BMP2K: variants seen among roughly 807,000 people sequenced by gnomAD.
The protein encoded by BMP2K is BMP2 inducible kinase.
Under a neutral mutation model 116.0 loss-of-function variants are expected in BMP2K, and 74 were observed. That is an observed-to-expected ratio of 0.64 (90% CI 0.53 to 0.77). The LOEUF (loss-of-function observed/expected upper bound fraction) is 0.77. BMP2K is among the 30% of genes least tolerant of loss of function. The pLI is 0.00. For synonymous variants in BMP2K, 486 were observed against 502.5 expected, an observed-to-expected ratio of 0.97 and a Z score of 0.44; for missense variants, 1,365 against 1,403.6, an observed-to-expected ratio of 0.97 and a Z score of 0.44.
intron 15 of BMP2K, among the ~76,000 whole-genome samples, chr4:78,898,156 A>G (rs1182790763): frequency 6.6e-6 from 1 of 152,214 alleles, no homozygotes; most frequent in African/African-American, 2.4e-5. Flanking sequence ...AGAGAATTGC[A>G]GGTATTTGAG....
At chr4:78,797,722 A>G (rs897805258) in intron 1 of BMP2K, among the ~76,000 whole-genome samples, 2 of 152,046 alleles carry the variant, frequency 1.3e-5, no homozygotes, top group African/African-American at 4.8e-5. Context: ...AGCTTGTCAC[A>G]TATGTTTTAT....
chr4:78,849,532 A>C (rs949311654), intron 6 of BMP2K, among the ~76,000 whole-genome samples: 5 of 151,646 alleles, frequency 3.3e-5, no homozygotes, highest in Admixed American at 3.3e-4. Flanking sequence ...TCTTTTGCCT[A>C]GGCTATCATC....
intron 10 of BMP2K, 77 bp downstream of exon 10, chr4:78,865,797 A>T: frequency 7.0e-7 from 1 of 1,433,092 alleles, no homozygotes; most frequent in East Asian, 2.3e-5. Flanking sequence ...TCCTGACCTC[A>T]GGTGATCCTT....
intron 13 of BMP2K, among the ~76,000 whole-genome samples, chr4:78,877,983 A>G (rs1189646675): frequency 6.6e-6 from 1 of 152,184 alleles, no homozygotes; most frequent in African/African-American, 2.4e-5. Flanking sequence ...GGAGAGGTAC[A>G]CAGGGATTCT....
At chr4:78,829,402 GTTT>G (rs79345386) in intron 2 of BMP2K, among the ~76,000 whole-genome samples, 7,254 of 133,874 alleles carry the variant, frequency 0.054, 558 homozygotes, top group African/African-American at 0.18. Context: ...ATAGTTTTTT[GTTT>G]TTTTTTTTTT....
chr4:78,777,212 T>C (rs1483555291), intron 1 of BMP2K, among the ~76,000 whole-genome samples: 1 of 152,108 alleles, frequency 6.6e-6, no homozygotes, highest in Non-Finnish European at 1.5e-5. Flanking sequence ...AACAATGTAT[T>C]TGTGTGCATG....
chr4:78,786,898 A>G (rs1435994441), intron 1 of BMP2K, among the ~76,000 whole-genome samples: 1 of 152,052 alleles, frequency 6.6e-6, no homozygotes, highest in Non-Finnish European at 1.5e-5. Context: ...TCTTGTATTC[A>G]TTCTTTTTTT....
chr4:78,900,373 C>T (rs1733933945), intron 15 of BMP2K, among the ~76,000 whole-genome samples: 1 of 152,032 alleles, frequency 6.6e-6, no homozygotes, highest in Admixed American at 6.6e-5. Context: ...GAGGTTGATA[C>T]CTCTAATCCC....
At chr4:78,834,855 A>AT (rs1730391924) in intron 3 of BMP2K, among the ~76,000 whole-genome samples, 1 of 152,170 alleles carries the variant, frequency 6.6e-6, no homozygotes, top group Admixed American at 6.5e-5. Flanking sequence ...ACCGTGATGT[A>AT]TTTGTAACTT....
intron 14 of BMP2K, chr4:78,879,860 A>C (rs1445449755): frequency 1.3e-5 from 2 of 152,210 alleles, no homozygotes; most frequent in Admixed American, 6.5e-5. Context: ...TTGGGATTTA[A>C]ATTTGTATTT....
At chr4:78,865,437 G>A in intron 9 of BMP2K, 120 bp from the exon 10 acceptor site, 1 of 884,934 alleles carries the variant, frequency 1.1e-6, no homozygotes, top group Non-Finnish European at 1.7e-6. Context: ...AGAAAGATGA[G>A]GACTAATGCG....
intron 2 of BMP2K, among the ~76,000 whole-genome samples, chr4:78,828,090 C>T (rs771079621): frequency 6.6e-6 from 1 of 152,152 alleles, no homozygotes; most frequent in Non-Finnish European, 1.5e-5. Context: ...TCTGTGTGGG[C>T]ACCATGTAAT....
intron 4 of BMP2K, among the ~76,000 whole-genome samples, 191 bp from the exon 5 acceptor site, chr4:78,844,737 G>T (rs1484996238): frequency 1.3e-5 from 2 of 151,446 alleles, no homozygotes; most frequent in Admixed American, 6.6e-5. Flanking sequence ...CTATATATGT[G>T]TGTGTGCACT....
intron 15 of BMP2K, among the ~76,000 whole-genome samples, chr4:78,890,408 A>G (rs573932303): frequency 0.019 from 2,931 of 150,798 alleles, 93 homozygotes; most frequent in African/African-American, 0.069. Flanking sequence ...TCATGCGCAC[A>G]CACACACACA....
chr4:78,870,528 T>C (rs770794891), intron 10 of BMP2K, among the ~76,000 whole-genome samples: 2 of 152,190 alleles, frequency 1.3e-5, no homozygotes, highest in Non-Finnish European at 2.9e-5. Flanking sequence ...GTTGTGTTCA[T>C]GGAGAGCCGA....
At chr4:78,853,502 A>G (rs958713961) in intron 7 of BMP2K, among the ~76,000 whole-genome samples, 2 of 152,224 alleles carry the variant, frequency 1.3e-5, no homozygotes, top group Admixed American at 1.3e-4. Flanking sequence ...AAAAGAACTT[A>G]GAGAACCATT....
At chr4:78,809,689 T>TG (rs887859954) in intron 1 of BMP2K, among the ~76,000 whole-genome samples, 2 of 151,692 alleles carry the variant, frequency 1.3e-5, no homozygotes, top group African/African-American at 4.9e-5. Flanking sequence ...TTAAAGTGTT[T>TG]TTTTTTTTTT....
At chr4:78,797,534 G>A (rs566303850) in intron 1 of BMP2K, among the ~76,000 whole-genome samples, 5 of 152,184 alleles carry the variant, frequency 3.3e-5, no homozygotes, top group African/African-American at 7.2e-5. Flanking sequence ...TAGGTAATTC[G>A]GTAGTATTGG....
In BMP2K at chr4:78,848,777, G is replaced by A. The variant is rs186100783; in HGVS notation, c.750+1508G>A. On this transcript the variant is annotated intron_variant, in intron 6 of 15. Coordinates refer to ENST00000502613, the MANE Select transcript of BMP2K (RefSeq NM_198892.2). ...GTAGAGATTCTGTGATGGAAAAACT[G>A]TAAGCTGTGGGCTTACAAATAGATA... 2.6e-3 allele frequency among the ~76,000 whole-genome samples: 388 copies of A among 150,872 alleles called. 1 individual carries two copies. The highest frequency in any genetic ancestry group is 4.4e-3 in the Non-Finnish European group (298 of 67,276).
Sources: allele counts gnomAD v4.1 joint callset (sites outside exome capture counted in the v4.1 genomes callset), GRCh38; gene constraint gnomAD v4.1.1; transcripts MANE v1.5; gene names NCBI Gene and HGNC (gene_info 2026-07-23, HGNC 2026-07-21).